Variants in GALNTL6 observed in about 807,000 individuals in gnomAD.
GALNTL6 encodes the protein polypeptide N-acetylgalactosaminyltransferase like 6.
GALNTL6 carries 46 observed loss-of-function variants against 73.7 expected under a neutral mutation model. The ratio of observed to expected loss-of-function variants is 0.62; its 90% CI spans 0.49 to 0.80. The LOEUF (loss-of-function observed/expected upper bound fraction) is 0.80, where lower values mean the gene tolerates loss of function less well. GALNTL6 is among the 30% of genes least tolerant of loss of function. The probability of loss-of-function intolerance (pLI) is 0.00; values close to 1 mark genes in which losing one functional copy is unlikely to be tolerated. For missense variants in GALNTL6, 604 were observed against 755.0 expected (o/e 0.80, Z 2.34); for synonymous variants, 259 against 263.7 (o/e 0.98, Z 0.17).
chr4:172,123,849 G>T (rs989536928), intron 2 of GALNTL6, among the ~76,000 whole-genome samples: 3 of 151,994 alleles, frequency 2.0e-5, no homozygotes, highest in African/African-American at 7.2e-5. Flanking sequence ...ATTAATTTTT[G>T]TTCAGCTTGA....
chr4:172,596,681 T>G (rs767841532), intron 5 of GALNTL6, among the ~76,000 whole-genome samples: 2 of 152,194 alleles, frequency 1.3e-5, no homozygotes, highest in African/African-American at 2.4e-5. Flanking sequence ...TAAATTTCAC[T>G]CTATAAAACA....
chr4:172,801,711 G>A (rs1188212429), intron 5 of GALNTL6, among the ~76,000 whole-genome samples: 2 of 152,044 alleles, frequency 1.3e-5, no homozygotes, highest in Non-Finnish European at 1.5e-5. Flanking sequence ...TTTCTTTTTT[G>A]TTTCTAATAT....
intron 8 of GALNTL6, among the ~76,000 whole-genome samples, chr4:172,908,389 C>T (rs537598459): frequency 6.6e-6 from 1 of 151,946 alleles, no homozygotes; most frequent in East Asian, 1.9e-4. Context: ...AGGAATTTTT[C>T]CATTAAATTA....
chr4:173,012,464 C>T (rs1752598334), intron 11 of GALNTL6, among the ~76,000 whole-genome samples: 1 of 152,198 alleles, frequency 6.6e-6, no homozygotes, highest in South Asian at 2.1e-4. Flanking sequence ...AGTGCCTCTC[C>T]CCTAACCACT....
chr4:172,189,571 A>G (rs1474671541), intron 2 of GALNTL6, among the ~76,000 whole-genome samples: 1 of 152,172 alleles, frequency 6.6e-6, no homozygotes, highest in African/African-American at 2.4e-5. Flanking sequence ...AAAATGTTAA[A>G]AAGAATACCT....
At chr4:171,959,563 A>G (rs2111044684) in intron 2 of GALNTL6, among the ~76,000 whole-genome samples, 1 of 152,274 alleles carries the variant, frequency 6.6e-6, no homozygotes. Context: ...ATACATACTT[A>G]CTCAGAGCTG....
At chr4:172,206,238 A>G (rs1439717658) in intron 2 of GALNTL6, among the ~76,000 whole-genome samples, 1 of 152,166 alleles carries the variant, frequency 6.6e-6, no homozygotes, top group Non-Finnish European at 1.5e-5. Flanking sequence ...CCATAAGAAT[A>G]GTTGTATTTA....
chr4:172,297,126 T>C (rs1013438730), intron 3 of GALNTL6, among the ~76,000 whole-genome samples: 1 of 152,236 alleles, frequency 6.6e-6, no homozygotes, highest in African/African-American at 2.4e-5. Flanking sequence ...ATGAGCATTT[T>C]TTCATGTCTC....
chr4:171,948,660 T>G (rs1263086300), intron 2 of GALNTL6, among the ~76,000 whole-genome samples: 1 of 152,164 alleles, frequency 6.6e-6, no homozygotes, highest in Non-Finnish European at 1.5e-5. Flanking sequence ...CCTTAACAAT[T>G]TATGCTGTTT....
intron 5 of GALNTL6, among the ~76,000 whole-genome samples, chr4:172,506,336 C>T (rs1378905203): frequency 1.9e-5 from 1 of 53,664 alleles, no homozygotes; most frequent in Non-Finnish European, 4.3e-5. Context: ...CACTCACCCT[C>T]CATGATCCTC....
chr4:172,722,628 T>G (rs564513027), intron 5 of GALNTL6, among the ~76,000 whole-genome samples: 1 of 152,080 alleles, frequency 6.6e-6, no homozygotes, highest in Non-Finnish European at 1.5e-5. Flanking sequence ...AGAAAACATA[T>G]TGAAAAATGA....
intron 5 of GALNTL6, among the ~76,000 whole-genome samples, chr4:172,513,466 G>T (rs1316523839): frequency 6.6e-6 from 1 of 152,108 alleles, no homozygotes; most frequent in Non-Finnish European, 1.5e-5. Context: ...GTGAGCTAGG[G>T]TGATCTTTTG....
intron 8 of GALNTL6, among the ~76,000 whole-genome samples, chr4:172,903,869 A>G (rs1450935743): frequency 6.6e-6 from 1 of 152,084 alleles, no homozygotes; most frequent in Non-Finnish European, 1.5e-5. Flanking sequence ...CCAGGGGTGC[A>G]TGGGCAGTTT....
chr4:172,056,789 A>G (rs544585562), intron 2 of GALNTL6, among the ~76,000 whole-genome samples: 12 of 152,150 alleles, frequency 7.9e-5, no homozygotes, highest in Admixed American at 7.2e-4. Context: ...TATCTGGTTT[A>G]TAGAAGTATC....
At position 172,382,431 on chromosome 4, in the gene GALNTL6, CT is replaced by C. The variant is rs199583968; in HGVS notation, c.553+33746del. 8.1e-4 allele frequency among the ~76,000 whole-genome samples: 123 copies of C among 152,124 alleles called. 1 individual carries two copies. The South Asian group carries it at 0.016, about 20-fold the overall frequency. On this transcript the variant is annotated intron_variant, in intron 5 of 12. Transcript: ENST00000506823. ...TCTTGGGAGAAATATGTACTCCAGC[CT>C]TTTGCCTATTTTTTAATTTCTTCTT...
intron 2 of GALNTL6, among the ~76,000 whole-genome samples, chr4:172,091,905 TTCA>T (rs1366131760): frequency 1.3e-5 from 2 of 152,202 alleles, no homozygotes; most frequent in Non-Finnish European, 2.9e-5. Context: ...ATTTCATTCC[TTCA>T]TCAGTTTAGT....
intron 10 of GALNTL6, among the ~76,000 whole-genome samples, chr4:172,968,040 A>G (rs10520251): frequency 0.12 from 18,033 of 152,174 alleles, 1,129 homozygotes; most frequent in Non-Finnish European, 0.15. Context: ...TTTAATCATC[A>G]AGACCAGACA....
At chr4:172,979,274 T>C (rs35419171) in intron 10 of GALNTL6, among the ~76,000 whole-genome samples, 17,780 of 152,224 alleles carry the variant, frequency 0.12, 1,498 homozygotes, top group Admixed American at 0.25. Flanking sequence ...ACCCCATATC[T>C]AAAAGAGAAA....
intron 2 of GALNTL6, among the ~76,000 whole-genome samples, chr4:171,834,078 C>T (rs1390543257): frequency 6.6e-6 from 1 of 151,756 alleles, no homozygotes; most frequent in African/African-American, 2.4e-5. Flanking sequence ...AAAGCCAAGT[C>T]CTCATATTTC....
Sources: gnomAD v4.1 joint callset for allele counts (sites outside exome capture counted in the v4.1 genomes callset) on GRCh38, gnomAD v4.1.1 for gene constraint, MANE v1.5 for transcripts, NCBI Gene and HGNC (gene_info 2026-07-23, HGNC 2026-07-21) for gene names.